Variants in SORCS1 observed in about 807,000 individuals in gnomAD.
SORCS1 encodes the protein VPS10 domain-containing receptor SorCS1.
A neutral mutation model predicts 146.1 loss-of-function variants in SORCS1; 60 were observed. The observed-to-expected ratio is 0.41, with a 90% CI of 0.33 to 0.51. The LOEUF (loss-of-function observed/expected upper bound fraction) is 0.51. Among genes scored for constraint, SORCS1 ranks in the 20% least tolerant of loss-of-function variants. The pLI, the probability that SORCS1 is intolerant of heterozygous loss-of-function variation, is 0.21. For synonymous variants in SORCS1, 637 were observed against 584.0 expected (o/e 1.09, Z -1.31); for missense variants, 1,352 against 1,487.6 (o/e 0.91, Z 1.50).
chr10:106,995,109 G>A (rs1172755430), intron 1 of SORCS1, among the ~76,000 whole-genome samples: 4 of 151,954 alleles, frequency 2.6e-5, no homozygotes, highest in Non-Finnish European at 5.9e-5. Context: ...TCAGGAGATC[G>A]AGACCATCCT....
intron 1 of SORCS1, among the ~76,000 whole-genome samples, chr10:107,058,676 T>A (rs547477768): frequency 9.9e-5 from 15 of 152,248 alleles, no homozygotes; most frequent in Admixed American, 8.5e-4. Flanking sequence ...AATGGGACAA[T>A]AATACTTATC....
intron 1 of SORCS1, among the ~76,000 whole-genome samples, chr10:107,108,180 AC>A (rs1965432617): frequency 6.6e-6 from 1 of 152,106 alleles, no homozygotes. Flanking sequence ...GATCCTAGAG[AC>A]AGGACTGCAG....
chr10:106,985,112 G>A (rs1391621484), intron 1 of SORCS1, among the ~76,000 whole-genome samples: 1 of 152,102 alleles, frequency 6.6e-6, no homozygotes, highest in African/African-American at 2.4e-5. Flanking sequence ...GCTTGAACCT[G>A]GGAGGTGGAA....
chr10:106,707,951 C>T (rs562514659), intron 7 of SORCS1, among the ~76,000 whole-genome samples: 84 of 152,276 alleles, frequency 5.5e-4, no homozygotes, highest in Non-Finnish European at 9.4e-4. Context: ...TCATCTTCAC[C>T]GTCATGTGGC....
chr10:107,162,502 T>A (rs1428124421), intron 1 of SORCS1, among the ~76,000 whole-genome samples: 2 of 152,160 alleles, frequency 1.3e-5, no homozygotes, highest in Non-Finnish European at 2.9e-5. Context: ...TGGAAAGAAT[T>A]TCAGCTTCAT....
chr10:106,746,746 G>A (rs555939139), intron 5 of SORCS1, among the ~76,000 whole-genome samples: 1 of 152,306 alleles, frequency 6.6e-6, no homozygotes, highest in South Asian at 2.1e-4. Flanking sequence ...GATAGCAGAT[G>A]ACAACATAAA....
chr10:107,143,558 T>C (rs146002631), intron 1 of SORCS1, among the ~76,000 whole-genome samples: 2,684 of 152,130 alleles, frequency 0.018, 73 homozygotes, highest in African/African-American at 0.061. Context: ...GGCTGGAGTG[T>C]AGTGGCTAGA....
chr10:106,659,934 A>T (rs1415024002), intron 17 of SORCS1, among the ~76,000 whole-genome samples: 1 of 152,176 alleles, frequency 6.6e-6, no homozygotes, highest in Non-Finnish European at 1.5e-5. Flanking sequence ...ACAATTATTG[A>T]GTGTGTGCAG....
At chr10:106,984,478 C>T (rs1294755289) in intron 1 of SORCS1, among the ~76,000 whole-genome samples, 1 of 149,610 alleles carries the variant, frequency 6.7e-6, no homozygotes, top group African/African-American at 2.5e-5. Flanking sequence ...ACTGCAAGCT[C>T]CACCTCCCGG....
At chr10:106,853,651 AATTTT>A (rs1268135880) in intron 2 of SORCS1, among the ~76,000 whole-genome samples, 8 of 152,020 alleles carry the variant, frequency 5.3e-5, no homozygotes, top group Non-Finnish European at 7.4e-5. Context: ...AACTTTAATT[AATTTT>A]ATTTTATTTT....
At chr10:107,172,018 A>C in the SORCS1 span, among the ~76,000 whole-genome samples, 1 of 152,190 alleles carries the variant, frequency 6.6e-6, no homozygotes, top group Non-Finnish European at 1.5e-5. Context: ...CATTTTCTAA[A>C]AGGAGCTGTG....
intron 1 of SORCS1, among the ~76,000 whole-genome samples, chr10:107,092,202 A>G (rs1053261315): frequency 2.6e-5 from 4 of 152,218 alleles, no homozygotes; most frequent in Non-Finnish European, 5.9e-5. Context: ...GGCAACTGCA[A>G]AATTGGAGCT....
At chr10:106,631,470 C>A (rs1438007170) in intron 18 of SORCS1, among the ~76,000 whole-genome samples, 1 of 152,162 alleles carries the variant, frequency 6.6e-6, no homozygotes, top group Non-Finnish European at 1.5e-5. Context: ...GGAAGCCAGC[C>A]CTAGGTGTGG....
At chr10:107,043,059 T>G (rs1706005896) in intron 1 of SORCS1, among the ~76,000 whole-genome samples, 1 of 152,202 alleles carries the variant, frequency 6.6e-6, no homozygotes, top group Non-Finnish European at 1.5e-5. Context: ...TCATGCTCTG[T>G]CACCCATTCA....
chr10:106,920,819 G>A (rs1238139145), intron 2 of SORCS1, among the ~76,000 whole-genome samples: 1 of 152,062 alleles, frequency 6.6e-6, no homozygotes, highest in Non-Finnish European at 1.5e-5. Flanking sequence ...ACCTGGATGG[G>A]TGCATCTCCA....
intron 1 of SORCS1, among the ~76,000 whole-genome samples, chr10:106,962,187 G>A (rs767675124): frequency 6.6e-6 from 1 of 151,992 alleles, no homozygotes; most frequent in African/African-American, 2.4e-5. Context: ...ATCACCTGAG[G>A]TCGGGAGTTC....
chr10:107,173,937 T>C, the SORCS1 span, among the ~76,000 whole-genome samples: 2 of 152,208 alleles, frequency 1.3e-5, no homozygotes. Flanking sequence ...TTCTTAATTA[T>C]TAGAACATCA....
intron 14 of SORCS1, among the ~76,000 whole-genome samples, chr10:106,674,359 T>G (rs370813060): frequency 8.7e-4 from 26 of 29,914 alleles, no homozygotes; most frequent in Middle Eastern, 0.018. Flanking sequence ...AAAAAAAAAG[T>G]AGTAGTGGTA....
At chr10:106,786,931 G>T (rs1252015202) in intron 3 of SORCS1, among the ~76,000 whole-genome samples, 2 of 152,104 alleles carry the variant, frequency 1.3e-5, no homozygotes, top group Admixed American at 1.3e-4. Context: ...TCAGATTAAG[G>T]TAAGTGTATT....
Sources: gnomAD v4.1 joint callset for allele counts (sites outside exome capture counted in the v4.1 genomes callset) on GRCh38, gnomAD v4.1.1 for gene constraint, MANE v1.5 for transcripts, NCBI Gene and HGNC (gene_info 2026-07-23, HGNC 2026-07-21) for gene names.